Variants in EXOC2 observed in about 807,000 individuals in gnomAD.
The protein encoded by EXOC2 is SEC5-like 1.
In EXOC2, 70 loss-of-function variants were observed where a neutral mutation model predicts 131.8. The ratio of observed to expected loss-of-function variants is 0.53; its 90% CI spans 0.44 to 0.65. The LOEUF (loss-of-function observed/expected upper bound fraction) is 0.65, where lower values mean the gene tolerates loss of function less well. Ranked by LOEUF, EXOC2 falls within the 30% of genes least tolerant of loss-of-function variation. The pLI is 0.00. For synonymous variants in EXOC2, 411 were observed against 398.4 expected (o/e 1.03, Z -0.38); for missense variants, 923 against 1,108.6 (o/e 0.83, Z 2.38).
chr6:533,809 T>C (rs11968641), intron 22 of EXOC2, among the ~76,000 whole-genome samples: 5,992 of 152,192 alleles, frequency 0.039, 415 homozygotes, highest in East Asian at 0.32. Flanking sequence ...GTTCTGCTTC[T>C]GCAGCACTGG....
intron 1 of EXOC2, among the ~76,000 whole-genome samples, chr6:654,270 C>T (rs1232341217): frequency 6.6e-6 from 1 of 152,114 alleles, no homozygotes; most frequent in Non-Finnish European, 1.5e-5. Context: ...TTATAGCTGC[C>T]ATGGATACTG....
rs1284621455 is a variant in EXOC2, at chr6:499,703, G to A, written c.2381-3C>T. The A allele has an allele frequency of 1.2e-6, 2 of 1,612,882 alleles. No individual in the cohort carries two copies. Among genetic ancestry groups the A allele is most frequent in the East Asian group, 2.2e-5 (1 of 44,854 alleles). On this transcript the variant is annotated splice_polypyrimidine_tract_variant and splice_region_variant and intron_variant, in intron 23 of 27. Coordinates refer to ENST00000230449, the MANE Select transcript of EXOC2 (RefSeq NM_018303.6). ...TTCTTTTAAATAGTTTCTGACACCT[G>A]AAATTGAAATAAAGGAGAGAAAGAA...
intron 20 of EXOC2, 62 bp downstream of exon 20, chr6:555,165 C>A: frequency 1.0e-6 from 1 of 978,870 alleles, no homozygotes; most frequent in Non-Finnish European, 1.4e-6. Flanking sequence ...AAGCATAAAA[C>A]TTGAGCCTGT....
intron 23 of EXOC2, among the ~76,000 whole-genome samples, chr6:503,514 C>T (rs555884203): frequency 1.1e-4 from 17 of 152,252 alleles, no homozygotes; most frequent in South Asian, 4.1e-4. Flanking sequence ...TTATTTATTA[C>T]GCATTTGCAA....
chr6:488,391 G>GCCTAGA (rs1414685834), intron 27 of EXOC2, among the ~76,000 whole-genome samples: 2 of 152,134 alleles, frequency 1.3e-5, no homozygotes, highest in African/African-American at 4.8e-5. Context: ...AATTTACCTG[G>GCCTAGA]CCTAGATTTT....
intron 11 of EXOC2, among the ~76,000 whole-genome samples, chr6:580,362 C>T (rs1150824): frequency 0.54 from 81,437 of 151,878 alleles, 22,544 homozygotes; most frequent in Admixed American, 0.66. Flanking sequence ...TTTAACATCC[C>T]GTAACAACAT....
At chr6:556,610 C>G in intron 17 of EXOC2, 46 bp from the exon 18 acceptor site, 6 of 1,601,582 alleles carry the variant, frequency 3.7e-6, no homozygotes, top group Non-Finnish European at 5.1e-6. Context: ...TGAGCACTGG[C>G]TGTGAAGACA....
At chr6:619,399 C>A (rs561719514) in intron 5 of EXOC2, 31 bp downstream of exon 5, 15 of 1,546,884 alleles carry the variant, frequency 9.7e-6, no homozygotes, top group Non-Finnish European at 1.3e-5. Context: ...GAGTGAAACC[C>A]TTCACAGTTG....
At chr6:586,208 G>A (rs574803711) in intron 11 of EXOC2, among the ~76,000 whole-genome samples, 1 of 152,268 alleles carries the variant, frequency 6.6e-6, no homozygotes, top group East Asian at 1.9e-4. Context: ...CCGAGCCCCG[G>A]GCATCAGAAA....
chr6:648,899 AT>A (rs1018037962), intron 1 of EXOC2, among the ~76,000 whole-genome samples: 17 of 147,016 alleles, frequency 1.2e-4, no homozygotes, highest in Admixed American at 1.4e-4. Context: ...TTTTTGTTAT[AT>A]TTTTTTTTTA....
intron 1 of EXOC2, among the ~76,000 whole-genome samples, chr6:647,911 T>C (rs1284550082): frequency 6.6e-6 from 1 of 151,980 alleles, no homozygotes; most frequent in Non-Finnish European, 1.5e-5. Context: ...CTGATCTACT[T>C]TCTTATTTAT....
intron 25 of EXOC2, among the ~76,000 whole-genome samples, chr6:495,165 G>A (rs1235624604): frequency 3.1e-5 from 4 of 128,592 alleles, no homozygotes; most frequent in South Asian, 2.4e-4. Context: ...TCGCTCTTTC[G>A]TCCAGGCCAG....
chr6:549,039 AGGC>A, intron 22 of EXOC2, 133 bp downstream of exon 22: 1 of 707,830 alleles, frequency 1.4e-6, no homozygotes, highest in East Asian at 2.5e-5. Flanking sequence ...AGCAGGGTGA[AGGC>A]GGGGAAGCAG....
At chr6:557,686 T>C (rs12209219) in intron 17 of EXOC2, among the ~76,000 whole-genome samples, 57,895 of 146,016 alleles carry the variant, frequency 0.4, 13,116 homozygotes, top group South Asian at 0.65. Flanking sequence ...CGGCTGTAAA[T>C]AGGATGGTCA....
intron 25 of EXOC2, among the ~76,000 whole-genome samples, chr6:492,610 C>T (rs962025624): frequency 6.6e-6 from 1 of 152,166 alleles, no homozygotes; most frequent in Non-Finnish European, 1.5e-5. Flanking sequence ...CATGGATGAA[C>T]CCTGAAACAT....
intron 11 of EXOC2, among the ~76,000 whole-genome samples, chr6:581,015 C>T (rs748674252): frequency 3.3e-5 from 5 of 152,052 alleles, no homozygotes; most frequent in African/African-American, 1.2e-4. Context: ...ACAGTGTGGC[C>T]GGGCGCGGTG....
intron 1 of EXOC2, among the ~76,000 whole-genome samples, chr6:687,753 G>C (rs2039713): frequency 5.3e-5 from 8 of 152,178 alleles, no homozygotes; most frequent in African/African-American, 1.9e-4. Context: ...TGGCCTTCAG[G>C]AGAGTGATCG....
chr6:581,935 G>GA, intron 11 of EXOC2, among the ~76,000 whole-genome samples: 1 of 151,978 alleles, frequency 6.6e-6, no homozygotes, highest in Admixed American at 6.5e-5. Context: ...CATAAAATTA[G>GA]AAAAAAATAC....
At chr6:507,131 CACACAT>C (rs765907332) in intron 23 of EXOC2, among the ~76,000 whole-genome samples, 1 of 89,538 alleles carries the variant, frequency 1.1e-5, no homozygotes, top group African/African-American at 4.7e-5. Context: ...CACATACACA[CACACAT>C]ACACACACAC....
Sources: allele counts gnomAD v4.1 joint callset (sites outside exome capture counted in the v4.1 genomes callset), GRCh38; gene constraint gnomAD v4.1.1; transcripts MANE v1.5; gene names NCBI Gene and HGNC (gene_info 2026-07-23, HGNC 2026-07-21).